Variants in FAF2 observed in about 807,000 individuals in gnomAD.
The protein encoded by FAF2 is Fas associated factor family member 2.
In FAF2, 9 loss-of-function variants were observed where a neutral mutation model predicts 62.3. The observed-to-expected ratio is 0.14, with a 90% CI of 0.09 to 0.25. FAF2 has a LOEUF of 0.25. FAF2 is among the 10% of genes least tolerant of loss of function. The pLI, the probability that FAF2 is intolerant of heterozygous loss-of-function variation, is 1.00. For synonymous variants in FAF2, 202 were observed against 198.0 expected (o/e 1.02, Z -0.17); for missense variants, 368 against 556.2 (o/e 0.66, Z 3.40).
chr5:176,491,940 A>G (rs1758976988), intron 4 of FAF2, among the ~76,000 whole-genome samples: 1 of 152,098 alleles, frequency 6.6e-6, no homozygotes, highest in South Asian at 2.1e-4. Context: ...AATACTCAGG[A>G]TTTATGTAGG....
intron 8 of FAF2, among the ~76,000 whole-genome samples, chr5:176,498,692 C>G (rs1019820408): frequency 7.9e-5 from 12 of 152,132 alleles, no homozygotes; most frequent in African/African-American, 2.7e-4. Context: ...GAGAGGAAAG[C>G]TTGCTGTTTC....
At position 176,509,579 on chromosome 5, in the gene FAF2, T is replaced by C. The variant is rs543282375; in HGVS notation, c.*2629T>C. 1 of 152,748 alleles carries C rather than the reference T, an allele frequency of 6.5e-6. No individual in the cohort carries two copies. The highest frequency in any genetic ancestry group is 1.9e-4 in the East Asian group (1 of 5,194). 9.5% of individuals were successfully genotyped at this position (152,748 alleles called of 1,614,324 possible). A position where few individuals can be genotyped will look rare whatever the true frequency, so the allele number is the denominator to read the frequency against. ...TGGAGTCAGTTGAATATTTGTACCC[T>C]CAGTGGAGCCCTTCTGGTCTTTTCT... is the stretch of plus-strand genomic sequence containing the variant. On this transcript the variant is annotated 3_prime_UTR_variant, in exon 11 of 11. Coordinates refer to ENST00000261942, the MANE Select transcript of FAF2 (RefSeq NM_014613.3).
chr5:176,463,550 G>A (rs1054055544), intron 1 of FAF2, among the ~76,000 whole-genome samples: 6 of 151,718 alleles, frequency 4.0e-5, no homozygotes, highest in African/African-American at 1.5e-4. Flanking sequence ...TCAGATTCTG[G>A]AAGACCTCAT....
At position 176,509,686 on chromosome 5, in the gene FAF2, A is replaced by G. The variant is rs1755746341; in HGVS notation, c.*2736A>G. 1 of 152,654 alleles carries G rather than the reference A, an allele frequency of 6.6e-6. No individual in the cohort carries two copies. Among genetic ancestry groups the G allele is most frequent in the Admixed American group, 6.6e-5 (1 of 15,264 alleles). 9.5% of individuals were successfully genotyped at this position (152,654 alleles called of 1,614,324 possible). A position where few individuals can be genotyped will look rare whatever the true frequency, so the allele number is the denominator to read the frequency against. On this transcript the variant is annotated 3_prime_UTR_variant, in exon 11 of 11. Coordinates refer to ENST00000261942, the MANE Select transcript of FAF2 (RefSeq NM_014613.3). Reference sequence around the variant, plus strand: ...CATGATATTTGAATAAGAGATGGCCAGAGGATAACACTTGTCTCTTAAAAA... The same window carrying G: ...CATGATATTTGAATAAGAGATGGCCGGAGGATAACACTTGTCTCTTAAAAA...
At chr5:176,465,366 CTT>C (rs70991554) in intron 1 of FAF2, among the ~76,000 whole-genome samples, 3,719 of 115,694 alleles carry the variant, frequency 0.032, 44 homozygotes, top group Middle Eastern at 0.087. Context: ...CTTTTTCTTT[CTT>C]TTTTTTTTTT....
intron 3 of FAF2, among the ~76,000 whole-genome samples, chr5:176,487,769 T>C (rs182642407): frequency 6.6e-6 from 1 of 152,344 alleles, no homozygotes; most frequent in Admixed American, 6.5e-5. Flanking sequence ...TTAATGTTTA[T>C]ATACCAATGT....
At position 176,448,562 on chromosome 5, in the gene FAF2, A is replaced by G. The variant is rs539193084; in HGVS notation, c.63+92A>G. On this transcript the variant is annotated intron_variant, in intron 1 of 10. Transcript: ENST00000261942. Reference sequence around the variant, plus strand: ...AGAACCCTCCTCAGATTGGGTTCAGATCCTTCTCAGACCAGCAGGCCGGCC... The same window carrying G: ...AGAACCCTCCTCAGATTGGGTTCAGGTCCTTCTCAGACCAGCAGGCCGGCC... 12 of 1,301,366 alleles carry G rather than the reference A, an allele frequency of 9.2e-6. No individual in the cohort carries two copies. In the East Asian group the frequency reaches 2.8e-4, roughly 30 times the overall value. The allele number at this position is 1,301,366 out of a possible 1,614,324, so 80.6% of individuals were successfully genotyped here.
At chr5:176,458,278 C>T (rs1313315542) in intron 1 of FAF2, among the ~76,000 whole-genome samples, 18 of 151,650 alleles carry the variant, frequency 1.2e-4, no homozygotes, top group East Asian at 9.7e-4. Context: ...GATGGGGTTT[C>T]GCCATGTTGG....
chr5:176,496,204 C>T (rs2113743969), intron 7 of FAF2, among the ~76,000 whole-genome samples: 1 of 152,274 alleles, frequency 6.6e-6, no homozygotes, highest in Non-Finnish European at 1.5e-5. Context: ...AGGAACTGGG[C>T]ATGGTGGCAC....
chr5:176,497,244 C>G (rs1340501253), intron 8 of FAF2, among the ~76,000 whole-genome samples: 1 of 150,154 alleles, frequency 6.7e-6, no homozygotes, highest in African/African-American at 2.5e-5. Flanking sequence ...TAAAGAACTT[C>G]GATGTAAAAA....
intron 9 of FAF2, 147 bp downstream of exon 9, chr5:176,499,232 A>C (rs989939517): frequency 2.6e-5 from 18 of 684,494 alleles, no homozygotes; most frequent in Admixed American, 3.9e-5. Flanking sequence ...AAAAAATTAC[A>C]ACATGTTGGA....
intron 1 of FAF2, among the ~76,000 whole-genome samples, chr5:176,472,083 T>G (rs1033817800): frequency 2.6e-5 from 4 of 152,152 alleles, no homozygotes; most frequent in Non-Finnish European, 2.9e-5. Context: ...GTTAAATTGT[T>G]TGGATTGGAG....
intron 1 of FAF2, among the ~76,000 whole-genome samples, chr5:176,467,813 A>T (rs967563998): frequency 6.6e-6 from 1 of 152,242 alleles, no homozygotes; most frequent in Non-Finnish European, 1.5e-5. Context: ...AAGATTAGCT[A>T]TGTTAGTTCC....
intron 1 of FAF2, among the ~76,000 whole-genome samples, chr5:176,449,298 C>T: frequency 6.6e-6 from 1 of 152,198 alleles, no homozygotes; most frequent in African/African-American, 2.4e-5. Flanking sequence ...ACCCCCAGGC[C>T]AGGAGCGGTG....
chr5:176,459,678 G>A (rs939161812), intron 1 of FAF2, among the ~76,000 whole-genome samples: 10 of 152,098 alleles, frequency 6.6e-5, no homozygotes, highest in African/African-American at 2.4e-4. Flanking sequence ...TCTGCAAAAT[G>A]ACATAGATAT....
At chr5:176,487,383 A>G (rs897830431) in intron 3 of FAF2, among the ~76,000 whole-genome samples, 2 of 152,038 alleles carry the variant, frequency 1.3e-5, no homozygotes, top group South Asian at 2.1e-4. Flanking sequence ...GGGTCTTGCT[A>G]TGTTGCCCAG....
chr5:176,484,531 A>G (rs1561823271), intron 2 of FAF2, among the ~76,000 whole-genome samples: 1 of 152,218 alleles, frequency 6.6e-6, no homozygotes, highest in Non-Finnish European at 1.5e-5. Context: ...GCCCCAAAGC[A>G]CAGGAGTAGT....
intron 1 of FAF2, among the ~76,000 whole-genome samples, chr5:176,460,921 A>G (rs1758367421): frequency 6.6e-6 from 1 of 151,916 alleles, no homozygotes. Context: ...GTGCCACTGC[A>G]CTCCAACCTG....
chr5:176,456,823 A>C (rs1758284043), intron 1 of FAF2, among the ~76,000 whole-genome samples: 1 of 152,208 alleles, frequency 6.6e-6, no homozygotes, highest in Non-Finnish European at 1.5e-5. Context: ...AATTTTATGA[A>C]ATTTGTAAAT....
Sources: gnomAD v4.1 joint callset for allele counts (sites outside exome capture counted in the v4.1 genomes callset) on GRCh38, gnomAD v4.1.1 for gene constraint, MANE v1.5 for transcripts, NCBI Gene and HGNC (gene_info 2026-07-23, HGNC 2026-07-21) for gene names.